Variants in RPS4Y1 observed in about 807,000 individuals in gnomAD.
The protein encoded by RPS4Y1 is ribosomal protein S4 Y-linked 1.
For synonymous variants in RPS4Y1, 23 were observed against 20.8 expected, an observed-to-expected ratio of 1.10 and a Z score of -0.28; for missense variants, 30 against 60.9, an observed-to-expected ratio of 0.49 and a Z score of 1.69.
intron 5 of RPS4Y1, among the ~76,000 whole-genome samples, chrY:2,862,523 C>T (rs2051164386): frequency 6.0e-5 from 2 of 33,456 alleles, no homozygotes; most frequent in African/African-American, 1.2e-4. Context: ...TTTTCAAATC[C>T]GCTAGGTTAC....
intron 4 of RPS4Y1, among the ~76,000 whole-genome samples, chrY:2,853,708 G>A: frequency 1.8e-4 from 6 of 33,937 alleles, no homozygotes; most frequent in Admixed American, 1.6e-3. Context: ...GTTAAACAAG[G>A]AATAAAGCAA....
At chrY:2,853,835 A>AT (rs1556371594) in intron 4 of RPS4Y1, among the ~76,000 whole-genome samples, 46 of 28,214 alleles carry the variant, frequency 1.6e-3, no homozygotes, top group Admixed American at 3.9e-3. Flanking sequence ...AAGCCTCATG[A>AT]TTTTTTTTTT....
chrY:2,842,556 C>T (rs2051149935), intron 2 of RPS4Y1, among the ~76,000 whole-genome samples: 1 of 32,378 alleles, frequency 3.1e-5, no homozygotes, highest in Admixed American at 2.8e-4. Flanking sequence ...AGTGACAGTC[C>T]GCTGAGTCCC....
intron 4 of RPS4Y1, among the ~76,000 whole-genome samples, chrY:2,849,127 G>A: frequency 3.0e-5 from 1 of 33,296 alleles, no homozygotes. Context: ...TTCAATGGCT[G>A]TTTTTCTCCA....
intron 2 of RPS4Y1, among the ~76,000 whole-genome samples, chrY:2,843,588 C>T: frequency 3.0e-5 from 1 of 33,498 alleles, no homozygotes; most frequent in African/African-American, 1.2e-4. Flanking sequence ...ACACTTAAGC[C>T]GGCAAGCAGC....
At chrY:2,859,114 A>G (rs2051161824) in intron 5 of RPS4Y1, among the ~76,000 whole-genome samples, 2 of 33,865 alleles carry the variant, frequency 5.9e-5, no homozygotes, top group Admixed American at 5.4e-4. Flanking sequence ...TGCCTGGAAC[A>G]TCAACTTCAG....
At chrY:2,860,307 A>G in intron 5 of RPS4Y1, among the ~76,000 whole-genome samples, 1 of 33,004 alleles carries the variant, frequency 3.0e-5, no homozygotes, top group African/African-American at 1.2e-4. Flanking sequence ...TCTAAGGGCA[A>G]CCACTTCCCT....
At chrY:2,856,492 G>T (rs757763773) in intron 5 of RPS4Y1, among the ~76,000 whole-genome samples, 7 of 33,570 alleles carry the variant, frequency 2.1e-4, no homozygotes, top group African/African-American at 8.1e-4. Context: ...ATGATATGTT[G>T]TATCTCATTT....
chrY:2,863,355 T>C, intron 5 of RPS4Y1, among the ~76,000 whole-genome samples: 1 of 33,481 alleles, frequency 3.0e-5, no homozygotes. Context: ...TCTGTTTTTT[T>C]CCCTATGCAT....
At chrY:2,843,193 A>G (rs763304040) in intron 2 of RPS4Y1, among the ~76,000 whole-genome samples, 1 of 33,195 alleles carries the variant, frequency 3.0e-5, no homozygotes, top group South Asian at 6.8e-4. Flanking sequence ...GTCACCTACT[A>G]TTTGACCTCC....
chrY:2,866,861 T>G lies in RPS4Y1; in HGVS notation c.759T>G (p.Asp253Glu), dbSNP rs2051168046. 2.5e-6 allele frequency: 1 copy of G among 395,565 alleles called. No homozygotes were observed. Among genetic ancestry groups the G allele is most frequent in the Non-Finnish European group, 3.6e-6 (1 of 281,579 alleles). ...GIRLTVAEER[D>E]KRLATKQSSG ...GACTTACTGTTGCTGAAGAGAGAGA[T>G]AAGAGGCTGGCCACCAAACAGAGCA... The change falls in exon 7 of 7, where the codon GAT becomes GAG. Residue 253 changes from aspartate to glutamate, a missense_variant. By Grantham distance (45) the Asp-to-Glu change is conservative. Coordinates refer to ENST00000250784, the MANE Select transcript of RPS4Y1 (RefSeq NM_001008.4).
intron 5 of RPS4Y1, among the ~76,000 whole-genome samples, chrY:2,862,137 C>T (rs2051164091): frequency 3.3e-5 from 1 of 30,027 alleles, no homozygotes; most frequent in Non-Finnish European, 8.0e-5. Context: ...CACGGCAACC[C>T]CTGTCTCTGA....
intron 4 of RPS4Y1, among the ~76,000 whole-genome samples, chrY:2,853,793 C>T (rs2051157770): frequency 3.1e-5 from 1 of 32,573 alleles, no homozygotes; most frequent in Non-Finnish European, 7.5e-5. Context: ...TGTAGCTGGC[C>T]GAGACAGCTG....
chrY:2,861,479 T>C (rs756305613), intron 5 of RPS4Y1, among the ~76,000 whole-genome samples: 1 of 32,206 alleles, frequency 3.1e-5, no homozygotes, highest in South Asian at 7.1e-4. Context: ...GCATGTGTAC[T>C]TTCTTGGCTG....
chrY:2,848,866 T>G (rs2051154318), intron 4 of RPS4Y1, among the ~76,000 whole-genome samples: 1 of 32,870 alleles, frequency 3.0e-5, no homozygotes, highest in East Asian at 8.1e-4. Flanking sequence ...ACCCATCACC[T>G]TAGTAGTGTA....
chrY:2,859,922 T>G (rs2051162491), intron 5 of RPS4Y1, among the ~76,000 whole-genome samples: 1 of 32,469 alleles, frequency 3.1e-5, no homozygotes, highest in Non-Finnish European at 7.5e-5. Flanking sequence ...AAAGTTATGG[T>G]ATTCTTGTGA....
intron 5 of RPS4Y1, among the ~76,000 whole-genome samples, chrY:2,861,860 C>G (rs2051163807): frequency 2.0e-4 from 6 of 30,708 alleles, no homozygotes. Flanking sequence ...GTGATCCTCC[C>G]ACCTCAGCCT....
intron 5 of RPS4Y1, among the ~76,000 whole-genome samples, chrY:2,859,701 T>C (rs2051162198): frequency 3.0e-5 from 1 of 33,713 alleles, no homozygotes; most frequent in Non-Finnish European, 7.4e-5. Flanking sequence ...AAGTGATTTA[T>C]ACACCTTTGT....
At chrY:2,844,412 T>C in intron 3 of RPS4Y1, among the ~76,000 whole-genome samples, 155 bp downstream of exon 3, 1 of 32,872 alleles carries the variant, frequency 3.0e-5, no homozygotes, top group Non-Finnish European at 7.5e-5. Flanking sequence ...GAATGAGGGA[T>C]AGGGAGAGGA....
Sources: allele counts gnomAD v4.1 joint callset (sites outside exome capture counted in the v4.1 genomes callset), GRCh38; gene constraint gnomAD v4.1.1; transcripts MANE v1.5; gene names NCBI Gene and HGNC (gene_info 2026-07-23, HGNC 2026-07-21).